RGS5: variants seen among roughly 807,000 people sequenced by gnomAD.
RGS5 encodes the protein regulator of G-protein signalling 5.
A neutral mutation model predicts 18.9 loss-of-function variants in RGS5; 20 were observed. That is an observed-to-expected ratio of 1.06 (90% CI 0.74 to 1.54). The LOEUF is 1.54. RGS5 is among the 40% of genes most tolerant of loss of function. The probability of loss-of-function intolerance (pLI) is 0.00; values close to 1 mark genes in which losing one functional copy is unlikely to be tolerated. For missense variants in RGS5, 201 were observed against 211.8 expected (o/e 0.95, Z 0.32); for synonymous variants, 57 against 76.2 (o/e 0.75, Z 1.31).
Position 163,306,231 on chromosome 1 carries a change from AC to A in RGS5, c.-281+1del, listed in dbSNP as rs1649694911. On this transcript the variant is annotated splice_donor_variant, in intron 2 of 5. Coordinates refer to the RGS5 transcript ENST00000618415. LOFTEE classifies it low-confidence loss of function (5UTR_SPLICE). ...TCTATGTGCTGTTGACTGAAACCTT[AC>A]CTTCCTCTGTGAGAGACCCGAAGTG... 1.3e-5 allele frequency: 2 copies of A among 152,174 alleles called. No homozygotes were observed. The highest frequency in any genetic ancestry group is 2.4e-5 in the African/African-American group (1 of 41,438). The allele number at this position is 152,174 out of a possible 1,614,324, so 9.4% of individuals were successfully genotyped here. A position where few individuals can be genotyped will look rare whatever the true frequency, so the allele number is the denominator to read the frequency against.
At chr1:163,269,095 G>T (rs1220063804) in intron 2 of RGS5, among the ~76,000 whole-genome samples, 1 of 152,056 alleles carries the variant, frequency 6.6e-6, no homozygotes, top group East Asian at 1.9e-4. Context: ...AACCAAATTT[G>T]CTTACAAAGA....
At chr1:163,267,702 A>AT (rs1281285924) in intron 2 of RGS5, among the ~76,000 whole-genome samples, 1 of 152,192 alleles carries the variant, frequency 6.6e-6, no homozygotes, top group African/African-American at 2.4e-5. Flanking sequence ...TTTGAGTTTT[A>AT]TAAGGGTTAG....
rs1369871963 is a variant in RGS5, at chr1:163,146,308, T to C, written c.*1034A>G. On this transcript the variant is annotated 3_prime_UTR_variant, in exon 5 of 5. Transcript: ENST00000313961. ...GTCTCACCTAGAAGGCCTCTACCTGTAATCACATTAATTTTTCTAAAGACA... is the reference window on the plus strand; with the variant it reads ...GTCTCACCTAGAAGGCCTCTACCTGCAATCACATTAATTTTTCTAAAGACA... The C allele has an allele frequency of 6.6e-6, 1 of 152,040 alleles. No homozygotes were observed. Among genetic ancestry groups the C allele is most frequent in the African/African-American group, 2.4e-5 (1 of 41,388 alleles). 9.4% of individuals were successfully genotyped at this position (152,040 alleles called of 1,614,324 possible). A position where few individuals can be genotyped will look rare whatever the true frequency, so the allele number is the denominator to read the frequency against.
chr1:163,168,249 A>G lies in RGS5; in HGVS notation c.155+9T>C, dbSNP rs748497947. 6.3e-6 allele frequency: 10 copies of G among 1,596,658 alleles called. No homozygotes were observed. The African/African-American group carries it at 1.2e-4, about 19-fold the overall frequency. ...GAGGAAATGAGTGGAATCCATATTC[A>G]TGACTCACTTCTGGGTCTTGGCTGG... is the stretch of plus-strand genomic sequence containing the variant. On this transcript the variant is annotated intron_variant, in intron 2 of 4. Coordinates refer to ENST00000313961, the MANE Select transcript of RGS5 (RefSeq NM_003617.4).
At chr1:163,320,697 T>C (rs568749288) in intron 1 of RGS5, among the ~76,000 whole-genome samples, 13 of 152,332 alleles carry the variant, frequency 8.5e-5, no homozygotes, top group Non-Finnish European at 1.8e-4. Flanking sequence ...TTTTGGGTCT[T>C]ACTAGATTCC....
intron 2 of RGS5, among the ~76,000 whole-genome samples, chr1:163,236,073 T>C (rs142782492): frequency 6.6e-6 from 1 of 152,302 alleles, no homozygotes; most frequent in East Asian, 1.9e-4. Context: ...AGACAGGAGA[T>C]GTGAAAAAGT....
chr1:163,304,043 G>C (rs1649632591), intron 2 of RGS5, among the ~76,000 whole-genome samples: 1 of 152,026 alleles, frequency 6.6e-6, no homozygotes, highest in South Asian at 2.1e-4. Context: ...GAAACCCGCT[G>C]GTCTACATGT....
At chr1:163,257,812 T>C (rs966178109) in intron 2 of RGS5, among the ~76,000 whole-genome samples, 1 of 152,232 alleles carries the variant, frequency 6.6e-6, no homozygotes, top group Admixed American at 6.5e-5. Context: ...TTTCAGGCTA[T>C]ACTTACAATC....
chr1:163,149,502 G>A lies in RGS5; in HGVS notation c.385-1999C>T, dbSNP rs77295281. On this transcript the variant is annotated intron_variant, in intron 4 of 4. Coordinates refer to ENST00000313961, the MANE Select transcript of RGS5 (RefSeq NM_003617.4). ...ACATAGTATCCACCAGCAAATAGCA[G>A]CTATTTCTCTTGGTATTTTTATGTG... is the stretch of plus-strand genomic sequence containing the variant. Among the ~76,000 whole-genome samples the A allele has an allele frequency of 2.3e-3, 347 of 152,210 alleles. 2 individuals are homozygous for A. The highest frequency in any genetic ancestry group is 8.1e-3 in the African/African-American group (338 of 41,540).
At chr1:163,308,099 A>C (rs1240453551) in intron 1 of RGS5, among the ~76,000 whole-genome samples, 1 of 152,224 alleles carries the variant, frequency 6.6e-6, no homozygotes, top group Non-Finnish European at 1.5e-5. Context: ...GTGGGGTCCA[A>C]AAATTTGAGT....
chr1:163,189,859 C>T (rs1052002360), intron 1 of RGS5, among the ~76,000 whole-genome samples: 9 of 152,062 alleles, frequency 5.9e-5, no homozygotes, highest in Non-Finnish European at 8.8e-5. Flanking sequence ...CACCGTGGTA[C>T]CAAAACCCAC....
chr1:163,167,694 C>T (rs986525537), intron 2 of RGS5, among the ~76,000 whole-genome samples: 1 of 152,066 alleles, frequency 6.6e-6, no homozygotes, highest in African/African-American at 2.4e-5. Context: ...ATAGCTAGTC[C>T]AGTATTCGTT....
chr1:163,246,248 A>G (rs1234956745), intron 2 of RGS5, among the ~76,000 whole-genome samples: 1 of 149,442 alleles, frequency 6.7e-6, no homozygotes. Context: ...TTAATTAAAT[A>G]AATAAAAATA....
At chr1:163,148,015 C>T (rs1159799484) in intron 4 of RGS5, among the ~76,000 whole-genome samples, 1 of 147,296 alleles carries the variant, frequency 6.8e-6, no homozygotes, top group East Asian at 2.0e-4. Context: ...GCAACCTCTG[C>T]CTTCCGGGTT....
chr1:163,238,948 G>A (rs1571311728), intron 2 of RGS5: 1 of 208,438 alleles, frequency 4.8e-6, no homozygotes, highest in Non-Finnish European at 1.1e-5. Flanking sequence ...TAAAGCAACA[G>A]ATAGTTCAGA....
At chr1:163,175,633 A>G (rs1371638305) in intron 1 of RGS5, among the ~76,000 whole-genome samples, 1 of 152,194 alleles carries the variant, frequency 6.6e-6, no homozygotes, top group Non-Finnish European at 1.5e-5. Context: ...GGCATCTACC[A>G]TCTACCCTAT....
rs757440527 is a variant in RGS5, at chr1:163,202,844, G to C, written c.-9C>G. The C allele has an allele frequency of 4.3e-6, 7 of 1,613,320 alleles. No individual in the cohort carries two copies. Among genetic ancestry groups the C allele is most frequent in the Non-Finnish European group, 5.9e-6 (7 of 1,179,514 alleles). On this transcript the variant is annotated 5_prime_UTR_variant, in exon 1 of 5. Transcript: ENST00000313961. The stretch of plus-strand genomic sequence containing the variant: ...GCAAGTCCTTTGCACATTTTGGCAG[G>C]TGGCTTAGCTCCTCCGCTTTAAGTA...
At chr1:163,262,151 C>CAT (rs759480728) in intron 2 of RGS5, among the ~76,000 whole-genome samples, 2 of 121,124 alleles carry the variant, frequency 1.7e-5, no homozygotes, top group Non-Finnish European at 3.4e-5. Context: ...AGTTTTGAAA[C>CAT]TTTTTTTTTT....
intron 1 of RGS5, among the ~76,000 whole-genome samples, chr1:163,170,757 C>T (rs960830846): frequency 1.3e-5 from 2 of 152,148 alleles, no homozygotes; most frequent in African/African-American, 4.8e-5. Context: ...CTCTCATTGA[C>T]TAAAGCCAAC....
Sources: gnomAD v4.1 joint callset for allele counts (sites outside exome capture counted in the v4.1 genomes callset) on GRCh38, gnomAD v4.1.1 for gene constraint, MANE v1.5 for transcripts, NCBI Gene and HGNC (gene_info 2026-07-23, HGNC 2026-07-21) for gene names.